The following C1QTNF3 variants were observed in gnomAD, a reference collection of about 807,000 sequenced individuals.
The protein encoded by C1QTNF3 is C1q and TNF related 3.
A neutral mutation model predicts 32.6 loss-of-function variants in C1QTNF3; 26 were observed. The ratio of observed to expected loss-of-function variants is 0.80; its 90% CI spans 0.58 to 1.11. The LOEUF is 1.11. C1QTNF3 is among the 50% of genes least tolerant of loss of function. The probability of loss-of-function intolerance (pLI) is 0.00; values close to 1 mark genes in which losing one functional copy is unlikely to be tolerated. For synonymous variants in C1QTNF3, 155 were observed against 146.0 expected (o/e 1.06, Z -0.44); for missense variants, 362 against 398.2 (o/e 0.91, Z 0.77).
At chr5:34,237,237 T>C in the C1QTNF3 span, among the ~76,000 whole-genome samples, 3 of 152,322 alleles carry the variant, frequency 2.0e-5, no homozygotes, top group South Asian at 6.2e-4. Flanking sequence ...CTCTCAGTAA[T>C]TTTACGGGTA....
chr5:34,163,481 A>ATTACT, the C1QTNF3 span, among the ~76,000 whole-genome samples: 1 of 150,642 alleles, frequency 6.6e-6, no homozygotes, highest in South Asian at 2.1e-4. Context: ...ATTATGATTG[A>ATTACT]TTATTTTAAT....
the C1QTNF3 span, among the ~76,000 whole-genome samples, chr5:34,207,644 T>C: frequency 2.0e-5 from 3 of 152,108 alleles, no homozygotes; most frequent in East Asian, 3.9e-4. Flanking sequence ...TATGTTGTGT[T>C]TGGCATCTTA....
the C1QTNF3 span, chr5:34,244,723 G>A: frequency 3.3e-5 from 5 of 152,008 alleles, no homozygotes; most frequent in Non-Finnish European, 7.4e-5. Flanking sequence ...GCTTTGCCTA[G>A]TGCATCCCGG....
At chr5:34,175,312 T>A in the C1QTNF3 span, 1 of 158,260 alleles carries the variant, frequency 6.3e-6, no homozygotes, top group African/African-American at 2.4e-5. Context: ...CCCAAAGTGC[T>A]GGGATGACAG....
At chr5:34,161,936 AT>A in the C1QTNF3 span, among the ~76,000 whole-genome samples, 1 of 152,068 alleles carries the variant, frequency 6.6e-6, no homozygotes, top group Admixed American at 6.6e-5. Context: ...CAACCATTTA[AT>A]TTTTTTAACG....
the C1QTNF3 span, among the ~76,000 whole-genome samples, chr5:34,177,418 A>G: frequency 6.6e-6 from 1 of 151,472 alleles, no homozygotes; most frequent in Non-Finnish European, 1.5e-5. Context: ...CTGGGCTCAA[A>G]CAATCCTCCT....
the C1QTNF3 span, among the ~76,000 whole-genome samples, chr5:34,140,721 G>T: frequency 6.6e-6 from 1 of 152,216 alleles, no homozygotes; most frequent in Non-Finnish European, 1.5e-5. Context: ...CACCCGCAGG[G>T]TATCAGCGAA....
chr5:34,030,351 G>C (rs1754581071), intron 3 of C1QTNF3, among the ~76,000 whole-genome samples: 1 of 152,246 alleles, frequency 6.6e-6, no homozygotes, highest in Non-Finnish European at 1.5e-5. Flanking sequence ...TGGCAACCAA[G>C]AGGCTCTATG....
the C1QTNF3 span, among the ~76,000 whole-genome samples, chr5:34,089,267 T>C: frequency 6.6e-6 from 1 of 152,172 alleles, no homozygotes; most frequent in Non-Finnish European, 1.5e-5. Flanking sequence ...ACTTCTGTGA[T>C]TTCAATTTTC....
the C1QTNF3 span, among the ~76,000 whole-genome samples, chr5:34,238,227 T>TA: frequency 6.6e-6 from 1 of 152,068 alleles, no homozygotes; most frequent in Non-Finnish European, 1.5e-5. Context: ...TTCAAAAAGC[T>TA]AGAGTGTCCT....
the C1QTNF3 span, among the ~76,000 whole-genome samples, chr5:34,142,203 G>GA: frequency 6.6e-6 from 1 of 152,148 alleles, no homozygotes; most frequent in Admixed American, 6.5e-5. Context: ...AGGCCAAGGT[G>GA]GGCAGATCAC....
At chr5:34,118,802 G>T in the C1QTNF3 span, among the ~76,000 whole-genome samples, 2 of 151,958 alleles carry the variant, frequency 1.3e-5, no homozygotes, top group Admixed American at 1.3e-4. Context: ...GAGCTTCTGG[G>T]TTTGTAATTC....
At chr5:34,071,185 C>G in the C1QTNF3 span, among the ~76,000 whole-genome samples, 2 of 152,110 alleles carry the variant, frequency 1.3e-5, no homozygotes, top group African/African-American at 2.4e-5. Flanking sequence ...AGCTTGTAAT[C>G]AAATTTAAGG....
the C1QTNF3 span, among the ~76,000 whole-genome samples, chr5:34,049,802 C>T: frequency 1.3e-5 from 2 of 152,212 alleles, no homozygotes; most frequent in African/African-American, 4.8e-5. Context: ...AGAATTGTTT[C>T]CTCTTCAGGG....
At chr5:34,213,518 C>T in the C1QTNF3 span, among the ~76,000 whole-genome samples, 3 of 151,224 alleles carry the variant, frequency 2.0e-5, no homozygotes, top group East Asian at 3.9e-4. Flanking sequence ...GGTTAATCAT[C>T]GCAACTTACA....
In C1QTNF3 at chr5:34,043,209, G is replaced by C; in HGVS notation, c.-84C>G. The C allele has an allele frequency of 7.2e-7, 1 of 1,384,616 alleles. No homozygotes were observed. The highest frequency in any genetic ancestry group is 9.8e-7 in the Non-Finnish European group (1 of 1,019,808). 85.8% of individuals were successfully genotyped at this position (1,384,616 alleles called of 1,614,324 possible). On this transcript the variant is annotated 5_prime_UTR_variant, in exon 1 of 6. Transcript: ENST00000382065. ...TCTCCTCGGGCAGATGCCAGGACTG[G>C]AGCTGAGAGCTGCAGCGGCGGAGTG...
chr5:34,161,819 T>C, the C1QTNF3 span, among the ~76,000 whole-genome samples: 1 of 152,212 alleles, frequency 6.6e-6, no homozygotes, highest in African/African-American at 2.4e-5. Context: ...GAGATAATTA[T>C]TGACAATGTT....
At chr5:34,062,066 A>G in the C1QTNF3 span, among the ~76,000 whole-genome samples, 1 of 152,212 alleles carries the variant, frequency 6.6e-6, no homozygotes, top group East Asian at 1.9e-4. Flanking sequence ...TTCTTCTACC[A>G]GATACCCTAA....
chr5:34,163,481 A>ATTATT, the C1QTNF3 span, among the ~76,000 whole-genome samples: 81,261 of 150,600 alleles, frequency 0.54, 22,044 homozygotes, highest in Middle Eastern at 0.58. Context: ...ATTATGATTG[A>ATTATT]TTATTTTAAT....
Sources: gnomAD v4.1 joint callset for allele counts (sites outside exome capture counted in the v4.1 genomes callset) on GRCh38, gnomAD v4.1.1 for gene constraint, MANE v1.5 for transcripts, NCBI Gene and HGNC (gene_info 2026-07-23, HGNC 2026-07-21) for gene names.